LRP1B: variants seen among roughly 807,000 people sequenced by gnomAD.
LRP1B encodes low-density lipoprotein receptor-related protein 1B.
LRP1B carries 217 observed loss-of-function variants against 556.6 expected under a neutral mutation model. The observed-to-expected ratio is 0.39, with a 90% CI of 0.35 to 0.44. The LOEUF is 0.44. LRP1B is among the 20% of genes least tolerant of loss of function. LRP1B has a pLI of 1.00. For synonymous variants in LRP1B, 2,047 were observed against 1,865.8 expected (o/e 1.10, Z -2.50); for missense variants, 5,053 against 5,620.8 (o/e 0.90, Z 3.23).
chr2:141,042,364 G>T (rs1223762964), intron 11 of LRP1B, among the ~76,000 whole-genome samples: 1 of 152,090 alleles, frequency 6.6e-6, no homozygotes, highest in African/African-American at 2.4e-5. Flanking sequence ...ATGTGCAGGT[G>T]TCACCTTTGG....
Position 140,415,243 on chromosome 2 carries a change from T to C in LRP1B, c.10414+27261A>G, listed in dbSNP as rs201461929. ...AGACTCTTATCAGTAGTTCTGCTTT[T>C]GCCCTCTGCCTTGTGATCTTTGTTG... On this transcript the variant is annotated intron_variant, in intron 66 of 90. Transcript: ENST00000389484. Among the ~76,000 whole-genome samples the C allele has an allele frequency of 2.0e-5, 3 of 150,090 alleles. No individual in the cohort carries two copies. In the East Asian group the frequency reaches 5.8e-4, roughly 29 times the overall value.
At chr2:142,086,725 T>A (rs147110921) in intron 1 of LRP1B, among the ~76,000 whole-genome samples, 1 of 152,328 alleles carries the variant, frequency 6.6e-6, no homozygotes, top group African/African-American at 2.4e-5. Context: ...TTGAATTTTA[T>A]ATTTTTAAAA....
At chr2:141,002,413 TAC>T (rs1269253517) in intron 15 of LRP1B, among the ~76,000 whole-genome samples, 2 of 152,024 alleles carry the variant, frequency 1.3e-5, no homozygotes, top group Non-Finnish European at 2.9e-5. Flanking sequence ...CAGCAATATA[TAC>T]AGTCATCCCT....
chr2:141,355,125 T>A (rs1688579299), intron 3 of LRP1B, among the ~76,000 whole-genome samples: 1 of 152,118 alleles, frequency 6.6e-6, no homozygotes, highest in Non-Finnish European at 1.5e-5. Flanking sequence ...AGTATTGATA[T>A]ATTTAGACAA....
chr2:141,196,067 C>T (rs1453501264), intron 6 of LRP1B, among the ~76,000 whole-genome samples: 1 of 152,020 alleles, frequency 6.6e-6, no homozygotes, highest in African/African-American at 2.4e-5. Context: ...TATGAGGTAG[C>T]AAAGATAGGC....
At chr2:140,794,957 C>T (rs1178437540) in intron 32 of LRP1B, among the ~76,000 whole-genome samples, 1 of 152,068 alleles carries the variant, frequency 6.6e-6, no homozygotes, top group Admixed American at 6.6e-5. Flanking sequence ...TCTACTGTTC[C>T]TCTAATGGAA....
chr2:141,926,406 A>G (rs533403401), intron 1 of LRP1B, among the ~76,000 whole-genome samples: 2 of 152,290 alleles, frequency 1.3e-5, no homozygotes, highest in Admixed American at 1.3e-4. Flanking sequence ...TATTGTATCC[A>G]TGAGCACAGC....
chr2:141,189,116 T>A (rs1302662782), intron 6 of LRP1B, among the ~76,000 whole-genome samples: 4 of 151,972 alleles, frequency 2.6e-5, no homozygotes, highest in Non-Finnish European at 5.9e-5. Flanking sequence ...GGGGTGATAA[T>A]TTCTTTCAAT....
chr2:140,378,575 C>T, intron 67 of LRP1B, among the ~76,000 whole-genome samples: 1 of 152,010 alleles, frequency 6.6e-6, no homozygotes, highest in Non-Finnish European at 1.5e-5. Flanking sequence ...TGAAAATGTA[C>T]CTATTGTCAT....
chr2:140,733,745 A>G (rs1342161947), intron 35 of LRP1B, among the ~76,000 whole-genome samples: 1 of 152,208 alleles, frequency 6.6e-6, no homozygotes, highest in East Asian at 1.9e-4. Context: ...TTCTAAAGTG[A>G]TAGAAATAGT....
At chr2:142,093,458 G>A (rs980013130) in intron 1 of LRP1B, among the ~76,000 whole-genome samples, 27 of 152,058 alleles carry the variant, frequency 1.8e-4, no homozygotes, top group African/African-American at 6.5e-4. Context: ...AGATCACCAC[G>A]TTCTCTTGAA....
chr2:141,510,911 C>CCCCCA (rs1553524356), intron 2 of LRP1B, among the ~76,000 whole-genome samples: 1,525 of 144,750 alleles, frequency 0.011, 16 homozygotes, highest in African/African-American at 0.017. Context: ...CACACACACC[C>CCCCCA]CACACAAACA....
chr2:141,329,655 A>AAAAAAAAAAAAAACAAAAC (rs1687567484), intron 3 of LRP1B, among the ~76,000 whole-genome samples: 1 of 138,076 alleles, frequency 7.2e-6, no homozygotes, highest in African/African-American at 2.8e-5. Flanking sequence ...AAAAAAAAAA[A>AAAAAAAAAAAAAACAAAAC]AAAAAAAAAA....
At chr2:140,354,489 A>G (rs1682122014) in intron 75 of LRP1B, among the ~76,000 whole-genome samples, 1 of 152,114 alleles carries the variant, frequency 6.6e-6, no homozygotes, top group Admixed American at 6.6e-5. Flanking sequence ...ACAGGAATGA[A>G]GTAGAATGCA....
chr2:140,844,018 T>C (rs1189342395), intron 29 of LRP1B, among the ~76,000 whole-genome samples: 2 of 152,180 alleles, frequency 1.3e-5, no homozygotes. Flanking sequence ...TATGTCTATG[T>C]TGAGGAGTAT....
chr2:141,626,584 T>C (rs758983233), intron 2 of LRP1B, among the ~76,000 whole-genome samples: 4 of 152,128 alleles, frequency 2.6e-5, no homozygotes, highest in Admixed American at 1.3e-4. Flanking sequence ...TTACAAAATA[T>C]ACAAAAAACT....
intron 35 of LRP1B, among the ~76,000 whole-genome samples, chr2:140,743,816 C>T (rs970355348): frequency 4.0e-5 from 6 of 151,026 alleles, no homozygotes; most frequent in East Asian, 2.0e-4. Context: ...AAAAATTAGC[C>T]GGGCGTGGTG....
intron 2 of LRP1B, among the ~76,000 whole-genome samples, chr2:141,732,387 C>G: frequency 1.3e-5 from 2 of 151,866 alleles, no homozygotes; most frequent in East Asian, 3.9e-4. Context: ...GAGAGACATG[C>G]TTCTAGTTCA....
chr2:141,089,772 A>G lies in LRP1B; in HGVS notation c.1014-27499T>C, dbSNP rs555142422. 3.9e-5 allele frequency among the ~76,000 whole-genome samples: 6 copies of G among 152,292 alleles called. No homozygotes were observed. The South Asian group carries it at 1.2e-3, about 32-fold the overall frequency. On this transcript the variant is annotated intron_variant, in intron 7 of 90. Transcript: ENST00000389484. ...AAGCTCTTAGGGTTAATTGTCTACC[A>G]TATCTGGGCTGCCACAGGGCAGCAA...
Sources: allele counts gnomAD v4.1 joint callset (sites outside exome capture counted in the v4.1 genomes callset), GRCh38; gene constraint gnomAD v4.1.1; transcripts MANE v1.5; gene names NCBI Gene and HGNC (gene_info 2026-07-23, HGNC 2026-07-21).